Variants in CELF2 observed in about 807,000 individuals in gnomAD.
CELF2 encodes CUG triplet repeat RNA-binding protein 2.
Under a neutral mutation model 62.6 loss-of-function variants are expected in CELF2, and 8 were observed. That is an observed-to-expected ratio of 0.13 (90% CI 0.07 to 0.23). CELF2 has a LOEUF of 0.23. Ranked by LOEUF, CELF2 falls within the 10% of genes least tolerant of loss-of-function variation. The pLI is 1.00. For missense variants in CELF2, 333 were observed against 671.0 expected, an observed-to-expected ratio of 0.50 and a Z score of 5.56; for synonymous variants, 258 against 250.0, an observed-to-expected ratio of 1.03 and a Z score of -0.30.
chr10:11,018,254 C>A, intron 1 of CELF2, 91 bp downstream of exon 1: 1 of 1,145,594 alleles, frequency 8.7e-7, no homozygotes. Flanking sequence ...CCGCAGCTCC[C>A]GGGCGCGACT....
At chr10:10,709,162 A>G in the CELF2 span, among the ~76,000 whole-genome samples, 1 of 152,204 alleles carries the variant, frequency 6.6e-6, no homozygotes, top group Non-Finnish European at 1.5e-5. Flanking sequence ...CGGCAAATGG[A>G]ATTAAAATAA....
At chr10:11,003,458 C>G (rs1231598295), upstream of CELF2, among the ~76,000 whole-genome samples, 1 of 152,198 alleles carries the variant, frequency 6.6e-6, no homozygotes, top group Non-Finnish European at 1.5e-5. The surrounding 1 kb of genome is among the most constrained non-coding windows in gnomAD (Gnocchi z 4.4). Flanking sequence ...TTTTACTTTT[C>G]TCTAATGGAC....
chr10:11,117,554 T>G lies in CELF2; in HGVS notation c.75-47932T>G, dbSNP rs2056823624. On this transcript the variant is annotated intron_variant, in intron 1 of 12. Coordinates refer to ENST00000633077, the MANE Select transcript of CELF2 (RefSeq NM_001326342.2). This position sits in a 1 kb window ranked among gnomAD's most constrained non-coding sequence, Gnocchi z 4.1. ...CTTGAGGTGTTGTTATACAGCCTCT[T>G]AGGGGTTTTTATGTCTGACTCCATA... Among the ~76,000 whole-genome samples, 1 of 152,192 alleles carries G rather than the reference T, an allele frequency of 6.6e-6. No homozygotes were observed. The highest frequency in any genetic ancestry group is 1.5e-5 in the Non-Finnish European group (1 of 68,028).
intron 2 of CELF2, among the ~76,000 whole-genome samples, chr10:10,956,425 G>T (rs900040204): frequency 2.0e-5 from 3 of 152,252 alleles, no homozygotes; most frequent in Non-Finnish European, 4.4e-5. Context: ...TTTTATCCTG[G>T]GTGGAGGCCA....
chr10:10,867,289 T>A (rs912058305), intron 1 of CELF2, among the ~76,000 whole-genome samples: 3 of 152,188 alleles, frequency 2.0e-5, no homozygotes. Flanking sequence ...CCATTGAGTG[T>A]GGACAAATAT....
intron 2 of CELF2, among the ~76,000 whole-genome samples, chr10:10,920,514 T>G (rs1591928807): frequency 6.6e-6 from 1 of 152,328 alleles, no homozygotes; most frequent in African/African-American, 2.4e-5. Flanking sequence ...TAATATTATA[T>G]CATAGAAAGA....
chr10:10,831,084 T>C (rs2057812976), intron 1 of CELF2, among the ~76,000 whole-genome samples: 1 of 152,230 alleles, frequency 6.6e-6, no homozygotes, highest in Admixed American at 6.5e-5. Context: ...TGGGCAATGG[T>C]GGAATCCTAG....
Position 11,132,679 on chromosome 10 carries a change from C to T in CELF2, c.75-32807C>T, listed in dbSNP as rs1020958453. On this transcript the variant is annotated intron_variant, in intron 1 of 12. Coordinates refer to ENST00000633077, the MANE Select transcript of CELF2 (RefSeq NM_001326342.2). The stretch of plus-strand genomic sequence containing the variant: ...TCTGACAGCAGCAAAATCACTCCAC[C>T]GGCAAAAGACTTAAATGAAAAGCAA... Among the ~76,000 whole-genome samples, 9 of 152,108 alleles carry T rather than the reference C, an allele frequency of 5.9e-5. No individual in the cohort carries two copies. The South Asian group carries it at 6.2e-4, about 11-fold the overall frequency.
At chr10:10,729,028 T>A in the CELF2 span, among the ~76,000 whole-genome samples, 2 of 152,178 alleles carry the variant, frequency 1.3e-5, no homozygotes, top group East Asian at 3.8e-4. Context: ...GCCGGCTGTA[T>A]GTGGGAGAGA....
Position 10,931,172 on chromosome 10 carries a change from A to G in CELF2, c.89+11173A>G, listed in dbSNP as rs2066020163. 6.6e-6 allele frequency among the ~76,000 whole-genome samples: 1 copy of G among 152,226 alleles called. No individual in the cohort carries two copies. The highest frequency in any genetic ancestry group is 2.1e-4 in the South Asian group (1 of 4,836). Reference sequence around the variant, plus strand: ...TTTTCCTTTTCCTTCTTTCTGGCGAATACGCAGTTTTCCTTTTGGACTGAA... The same window carrying G: ...TTTTCCTTTTCCTTCTTTCTGGCGAGTACGCAGTTTTCCTTTTGGACTGAA... On this transcript the variant is annotated intron_variant, in intron 2 of 13. Transcript: ENST00000636488. This position sits in a 1 kb window ranked among gnomAD's most constrained non-coding sequence, Gnocchi z 6.1.
intron 1 of CELF2, among the ~76,000 whole-genome samples, chr10:11,021,492 A>G (rs2058310700): frequency 6.6e-6 from 1 of 152,194 alleles, no homozygotes; most frequent in South Asian, 2.1e-4. Flanking sequence ...ATCAGACCTC[A>G]TTTTATAGAT....
the CELF2 span, among the ~76,000 whole-genome samples, chr10:10,699,621 A>G: frequency 2.0e-5 from 3 of 152,188 alleles, no homozygotes; most frequent in African/African-American, 7.2e-5. Context: ...GTGACGGGTG[A>G]GGAAGCACCT....
chr10:10,799,885 T>C (rs2054483960), intron 1 of CELF2, among the ~76,000 whole-genome samples: 1 of 152,214 alleles, frequency 6.6e-6, no homozygotes, highest in South Asian at 2.1e-4. Context: ...AATTGAGGGA[T>C]TTTTGTTAAA....
At chr10:10,562,278 GA>G in the CELF2 span, among the ~76,000 whole-genome samples, 1 of 152,096 alleles carries the variant, frequency 6.6e-6, no homozygotes. Flanking sequence ...ATAAAACTGT[GA>G]ATTATGACTT....
intron 1 of CELF2, among the ~76,000 whole-genome samples, chr10:11,094,794 C>G (rs985650005): frequency 6.6e-6 from 1 of 152,154 alleles, no homozygotes; most frequent in African/African-American, 2.4e-5. Context: ...CCTTAGCCAT[C>G]GAATGAACAC....
At chr10:10,745,755 G>A in the CELF2 span, among the ~76,000 whole-genome samples, 1 of 152,172 alleles carries the variant, frequency 6.6e-6, no homozygotes, top group African/African-American at 2.4e-5. Context: ...TGACCATCAA[G>A]CCTCCCTACC....
At chr10:11,023,372 C>T (rs556885022) in intron 1 of CELF2, among the ~76,000 whole-genome samples, 24 of 152,190 alleles carry the variant, frequency 1.6e-4, no homozygotes, top group Non-Finnish European at 3.4e-4. Flanking sequence ...TCTTGCTAAA[C>T]TTAAGAGAAA....
chr10:10,523,724 T>C, the CELF2 span, among the ~76,000 whole-genome samples: 5 of 152,264 alleles, frequency 3.3e-5, no homozygotes, highest in African/African-American at 1.2e-4. Context: ...GATGCAACAA[T>C]AAAAACAGAG....
In CELF2 at chr10:10,799,311, C is replaced by T. The variant is rs556508173; in HGVS notation, c.53+494C>T. On this transcript the variant is annotated intron_variant, in intron 1 of 13. Transcript: ENST00000636488. ...CCTGGCCAACATGGCAAAACCACCC[C>T]TGTCTCTACTAAAAATACAGAAATT... 2.9e-4 allele frequency among the ~76,000 whole-genome samples: 34 copies of T among 117,710 alleles called. No individual in the cohort carries two copies. The South Asian group carries it at 7.9e-3, about 27-fold the overall frequency. The allele number at this position is 117,710 out of a possible 152,430, so 77.2% of individuals were successfully genotyped here.
Sources: gnomAD v4.1 joint callset for allele counts (sites outside exome capture counted in the v4.1 genomes callset) on GRCh38, gnomAD v4.1.1 for gene constraint, Gnocchi (gnomAD v3.1) non-coding constraint, MANE v1.5 for transcripts, NCBI Gene and HGNC (gene_info 2026-07-23, HGNC 2026-07-21) for gene names.